Variants in BLVRA observed in about 807,000 individuals in gnomAD.
BLVRA encodes the protein BVR A.
A neutral mutation model predicts 32.8 loss-of-function variants in BLVRA; 22 were observed. That is an observed-to-expected ratio of 0.67 (90% CI 0.48 to 0.96). BLVRA has a LOEUF of 0.96. Among genes scored for constraint, BLVRA ranks in the 40% least tolerant of loss-of-function variants. The pLI is 0.00. For synonymous variants in BLVRA, 119 were observed against 141.3 expected (o/e 0.84, Z 1.12); for missense variants, 323 against 358.1 (o/e 0.90, Z 0.79).
chr7:43,766,636 G>A (rs993646632), intron 1 of BLVRA, among the ~76,000 whole-genome samples: 3 of 152,192 alleles, frequency 2.0e-5, no homozygotes, highest in Non-Finnish European at 4.4e-5. Context: ...GAGTTGGAAG[G>A]TGGAGCCAGA....
At chr7:43,773,597 A>G (rs2095757140) in intron 2 of BLVRA, among the ~76,000 whole-genome samples, 1 of 152,218 alleles carries the variant, frequency 6.6e-6, no homozygotes, top group African/African-American at 2.4e-5. Context: ...CGCAATAAAC[A>G]TACGTGTGCA....
chr7:43,780,182 T>C (rs569024995), intron 2 of BLVRA, among the ~76,000 whole-genome samples: 101 of 152,202 alleles, frequency 6.6e-4, no homozygotes, highest in African/African-American at 2.3e-3. Flanking sequence ...CTCATCTCAG[T>C]CACAGCTGCC....
chr7:43,786,191 G>GA (rs1359140413), intron 2 of BLVRA, among the ~76,000 whole-genome samples: 2 of 152,074 alleles, frequency 1.3e-5, no homozygotes, highest in Non-Finnish European at 2.9e-5. Context: ...AAAGGTTGGG[G>GA]AAAAAATGTA....
chr7:43,762,314 A>G (rs1051980250), intron 1 of BLVRA, among the ~76,000 whole-genome samples: 1 of 152,190 alleles, frequency 6.6e-6, no homozygotes, highest in Non-Finnish European at 1.5e-5. Flanking sequence ...CCAATGGCAC[A>G]TACCCTTTTC....
At chr7:43,792,455 G>A (rs2132581351) in intron 4 of BLVRA, among the ~76,000 whole-genome samples, 1 of 152,290 alleles carries the variant, frequency 6.6e-6, no homozygotes, top group East Asian at 1.9e-4. Context: ...TTGGTAAATA[G>A]TACTTAGTTG....
intron 2 of BLVRA, among the ~76,000 whole-genome samples, chr7:43,783,158 T>C (rs1381421785): frequency 6.6e-6 from 1 of 152,180 alleles, no homozygotes; most frequent in Non-Finnish European, 1.5e-5. Flanking sequence ...GTGAATACAT[T>C]TGTGTGATTC....
intron 2 of BLVRA, among the ~76,000 whole-genome samples, chr7:43,785,821 C>T (rs2095776744): frequency 1.3e-5 from 2 of 152,112 alleles, no homozygotes; most frequent in South Asian, 4.1e-4. Flanking sequence ...TGGAATAGTG[C>T]ATAATATTAC....
Position 43,775,256 on chromosome 7 carries a change from T to G in BLVRA, c.12+4086T>G, listed in dbSNP as rs1161758552. On this transcript the variant is annotated intron_variant, in intron 2 of 7. Coordinates refer to ENST00000265523, the MANE Select transcript of BLVRA (RefSeq NM_000712.4). Reference sequence around the variant, plus strand: ...AATGCTTCCAGTTTTTGCCCATTCGTTATGATATTGGCTGTGGGTTTGTCA... The same window carrying G: ...AATGCTTCCAGTTTTTGCCCATTCGGTATGATATTGGCTGTGGGTTTGTCA... Among the ~76,000 whole-genome samples, 226 of 151,774 alleles carry G rather than the reference T, an allele frequency of 1.5e-3. 3 individuals carry two copies. Among genetic ancestry groups the G allele is most frequent in the African/African-American group, 5.0e-3 (204 of 41,128 alleles).
chr7:43,763,619 CT>C (rs1187066277), intron 1 of BLVRA, among the ~76,000 whole-genome samples: 2 of 152,246 alleles, frequency 1.3e-5, no homozygotes, highest in African/African-American at 2.4e-5. Flanking sequence ...CTTTTGACCC[CT>C]GGCTCTGTTT....
chr7:43,784,544 G>C (rs2095774471), intron 2 of BLVRA, among the ~76,000 whole-genome samples: 1 of 148,702 alleles, frequency 6.7e-6, no homozygotes, highest in South Asian at 2.1e-4. Context: ...CAAAAATAAA[G>C]TTCTTCCCCT....
intron 5 of BLVRA, among the ~76,000 whole-genome samples, chr7:43,795,553 A>G (rs2095790873): frequency 6.6e-6 from 1 of 152,168 alleles, no homozygotes; most frequent in Admixed American, 6.5e-5. Flanking sequence ...AGATGTAATG[A>G]AAGCAGTACT....
intron 5 of BLVRA, among the ~76,000 whole-genome samples, chr7:43,793,622 T>TC: frequency 6.6e-6 from 1 of 150,724 alleles, no homozygotes; most frequent in Non-Finnish European, 1.5e-5. Flanking sequence ...TTACAACTTT[T>TC]TTTTTTTTTT....
chr7:43,782,116 A>T (rs2095770508), intron 2 of BLVRA, among the ~76,000 whole-genome samples: 2 of 152,326 alleles, frequency 1.3e-5, no homozygotes, highest in South Asian at 4.1e-4. Flanking sequence ...TAGCATCCCC[A>T]TGGCATCTGA....
intron 2 of BLVRA, among the ~76,000 whole-genome samples, chr7:43,772,540 A>G (rs1436849968): frequency 6.6e-6 from 1 of 152,228 alleles, no homozygotes; most frequent in Non-Finnish European, 1.5e-5. Flanking sequence ...CCTGTCTGGT[A>G]TGAGACATTC....
intron 1 of BLVRA, among the ~76,000 whole-genome samples, chr7:43,768,263 T>C (rs892089431): frequency 6.6e-6 from 1 of 152,180 alleles, no homozygotes; most frequent in Admixed American, 6.5e-5. Context: ...AGTCCAACCA[T>C]TCAGCCTACA....
chr7:43,803,894 A>G (rs934807486), intron 7 of BLVRA, 47 bp downstream of exon 7: 10 of 1,605,722 alleles, frequency 6.2e-6, no homozygotes, highest in African/African-American at 2.7e-5. Flanking sequence ...AGGACATCCT[A>G]GTACATTTGC....
chr7:43,800,807 T>G (rs1585742999), intron 6 of BLVRA, among the ~76,000 whole-genome samples: 1 of 152,274 alleles, frequency 6.6e-6, no homozygotes, highest in East Asian at 1.9e-4. Flanking sequence ...TGGAGATTAT[T>G]TTTCAACAGG....
chr7:43,766,725 A>C (rs2095748381), intron 1 of BLVRA, among the ~76,000 whole-genome samples: 1 of 152,222 alleles, frequency 6.6e-6, no homozygotes, highest in Non-Finnish European at 1.5e-5. Context: ...AAGGGGAAAC[A>C]GCACAGAAAG....
intron 7 of BLVRA, among the ~76,000 whole-genome samples, chr7:43,806,183 G>C (rs1400154056): frequency 1.3e-5 from 2 of 152,140 alleles, no homozygotes; most frequent in African/African-American, 2.4e-5. Flanking sequence ...CGTGGTGGCA[G>C]GTGCCTGTAA....
Sources: allele counts gnomAD v4.1 joint callset (sites outside exome capture counted in the v4.1 genomes callset), GRCh38; gene constraint gnomAD v4.1.1; transcripts MANE v1.5; gene names NCBI Gene and HGNC (gene_info 2026-07-23, HGNC 2026-07-21).